GOLM2: variants seen among roughly 807,000 people sequenced by gnomAD.
The protein encoded by GOLM2 is golgi membrane protein 2.
A neutral mutation model predicts 55.9 loss-of-function variants in GOLM2; 26 were observed. That is an observed-to-expected ratio of 0.47 (90% CI 0.34 to 0.65). The LOEUF (loss-of-function observed/expected upper bound fraction) is 0.65, where lower values mean the gene tolerates loss of function less well. Ranked by LOEUF, GOLM2 falls within the 30% of genes least tolerant of loss-of-function variation. The pLI is 0.01. For missense variants in GOLM2, 486 were observed against 531.8 expected, an observed-to-expected ratio of 0.91 and a Z score of 0.85; for synonymous variants, 165 against 194.6, an observed-to-expected ratio of 0.85 and a Z score of 1.27.
At chr15:44,336,002 A>G (rs1347086455) in intron 4 of GOLM2, among the ~76,000 whole-genome samples, 1 of 151,464 alleles carries the variant, frequency 6.6e-6, no homozygotes, top group Non-Finnish European at 1.5e-5. Context: ...TTTAGTAGAG[A>G]CGGGGTTTCG....
Position 44,289,243 on chromosome 15 carries a change from C to G in GOLM2, c.214C>G (p.Leu72Val). ...RLEKRNSDLL[L>V]LVDTHKKQID... is the part of the protein sequence containing the mutation. ...GGAAAAGCGCAATTCGGACCTCTTGCTGTTGGTGGACACGCACAAGAAACA... is the reference window on the plus strand; with the variant it reads ...GGAAAAGCGCAATTCGGACCTCTTGGTGTTGGTGGACACGCACAAGAAACA... The change falls in exon 1 of 10, where the codon CTG becomes GTG. Residue 72 changes from leucine (L) to valine (V), a missense_variant. Leu to Val is a conservative substitution (Grantham distance 32). Coordinates refer to ENST00000299957, the MANE Select transcript of GOLM2 (RefSeq NM_138423.4). The surrounding 1 kb of genome is among the most constrained non-coding windows in gnomAD (Gnocchi z 4.8). 6.2e-7 allele frequency: 1 copy of G among 1,614,168 alleles called. No individual in the cohort carries two copies. The highest frequency in any genetic ancestry group is 8.5e-7 in the Non-Finnish European group (1 of 1,180,028).
chr15:44,389,493 A>C (rs1445712026), intron 8 of GOLM2, among the ~76,000 whole-genome samples: 1 of 152,168 alleles, frequency 6.6e-6, no homozygotes, highest in Non-Finnish European at 1.5e-5. Flanking sequence ...ACGCCACTGC[A>C]CTCCAGCTTA....
chr15:44,327,805 G>A (rs1285881764), intron 2 of GOLM2, among the ~76,000 whole-genome samples: 2 of 152,170 alleles, frequency 1.3e-5, no homozygotes, highest in Non-Finnish European at 2.9e-5. Flanking sequence ...GTTTGGCCAG[G>A]TTATAATTTA....
intron 1 of GOLM2, among the ~76,000 whole-genome samples, chr15:44,300,817 G>T (rs753169502): frequency 7.9e-5 from 12 of 152,204 alleles, no homozygotes; most frequent in Non-Finnish European, 1.6e-4. Context: ...TGGGCATGCA[G>T]TAATTTCAGT....
chr15:44,298,498 A>T (rs1333942419), intron 1 of GOLM2, among the ~76,000 whole-genome samples: 2 of 146,566 alleles, frequency 1.4e-5, no homozygotes, highest in Non-Finnish European at 3.0e-5. Flanking sequence ...CTGGTCTCGA[A>T]CTCCTAACCT....
At chr15:44,371,995 A>G (rs1449883776) in intron 6 of GOLM2, among the ~76,000 whole-genome samples, 2 of 152,162 alleles carry the variant, frequency 1.3e-5, no homozygotes, top group Non-Finnish European at 2.9e-5. Context: ...TTGATCATGC[A>G]GGGTAAATGG....
intron 1 of GOLM2, among the ~76,000 whole-genome samples, chr15:44,292,765 G>C (rs2078730054): frequency 6.6e-6 from 1 of 151,944 alleles, no homozygotes; most frequent in South Asian, 2.1e-4. Flanking sequence ...GGGTAGTCTT[G>C]GTCTCTGTAT....
At chr15:44,317,843 C>G (rs2078921656) in intron 1 of GOLM2, among the ~76,000 whole-genome samples, 1 of 152,296 alleles carries the variant, frequency 6.6e-6, no homozygotes, top group East Asian at 1.9e-4. Flanking sequence ...AAATTATATT[C>G]TTACTCATCT....
At chr15:44,327,747 T>C (rs769941698) in intron 2 of GOLM2, among the ~76,000 whole-genome samples, 3 of 152,210 alleles carry the variant, frequency 2.0e-5, no homozygotes, top group African/African-American at 4.8e-5. Flanking sequence ...GAATGAAATC[T>C]AGAACATGTG....
Position 44,413,540 on chromosome 15 carries a change from T to G in GOLM2, c.*134T>G, listed in dbSNP as rs2079652663. 1.6e-6 allele frequency: 1 copy of G among 641,614 alleles called. No homozygotes were observed. Among genetic ancestry groups the G allele is most frequent in the Non-Finnish European group, 2.7e-6 (1 of 368,352 alleles). The allele number at this position is 641,614 out of a possible 1,614,324, so 39.7% of individuals were successfully genotyped here. On this transcript the variant is annotated 3_prime_UTR_variant, in exon 10 of 10. Coordinates refer to ENST00000299957, the MANE Select transcript of GOLM2 (RefSeq NM_138423.4). ...CATTGAGATAGAATTAAGGAAAAAC[T>G]TTAATGAAGGAATGTACCCATGTAC... is the stretch of plus-strand genomic sequence containing the variant.
At chr15:44,355,330 G>C (rs1044491498) in intron 6 of GOLM2, 2 of 161,258 alleles carry the variant, frequency 1.2e-5, no homozygotes, top group Admixed American at 1.3e-4. Context: ...GAACTTCCAT[G>C]GCTGTGGGCA....
intron 6 of GOLM2, among the ~76,000 whole-genome samples, chr15:44,342,535 G>C (rs2141150740): frequency 6.6e-6 from 1 of 152,284 alleles, no homozygotes; most frequent in Non-Finnish European, 1.5e-5. Flanking sequence ...CCAAAGCACT[G>C]CAACTACAGG....
At chr15:44,333,233 A>G (rs1476428437) in intron 4 of GOLM2, among the ~76,000 whole-genome samples, 1 of 152,178 alleles carries the variant, frequency 6.6e-6, no homozygotes, top group Non-Finnish European at 1.5e-5. Flanking sequence ...CGCACAGCCA[A>G]TTCATTTTTT....
At chr15:44,341,759 C>T (rs935705761) in intron 6 of GOLM2, among the ~76,000 whole-genome samples, 6 of 141,264 alleles carry the variant, frequency 4.2e-5, no homozygotes, top group African/African-American at 1.3e-4. Flanking sequence ...TGCAGTCGTG[C>T]GATCTTGGCT....
intron 6 of GOLM2, among the ~76,000 whole-genome samples, chr15:44,372,932 T>G (rs978157326): frequency 3.9e-5 from 6 of 152,200 alleles, no homozygotes; most frequent in African/African-American, 7.2e-5. Flanking sequence ...TTCATACCTC[T>G]GCTCAAATGA....
intron 6 of GOLM2, among the ~76,000 whole-genome samples, chr15:44,359,536 T>A (rs944029850): frequency 6.6e-6 from 1 of 152,044 alleles, no homozygotes; most frequent in African/African-American, 2.4e-5. Flanking sequence ...TGCAGTGAGC[T>A]GAGATTGCAC....
rs555462699 is a variant in GOLM2, at chr15:44,294,670, C to T, written c.327+5314C>T. Among the ~76,000 whole-genome samples, 106 of 148,154 alleles carry T rather than the reference C, an allele frequency of 7.2e-4. No individual in the cohort carries two copies. The South Asian group carries it at 0.021, about 29-fold the overall frequency. ...CAGAGGTTGCAGTGAGCTGAGATCA[C>T]GCCATTGCACTCCAGCCTGGAGGAC... On this transcript the variant is annotated intron_variant, in intron 1 of 9. Coordinates refer to ENST00000299957, the MANE Select transcript of GOLM2 (RefSeq NM_138423.4).
chr15:44,413,473 T>C lies in GOLM2; in HGVS notation c.*67T>C. On this transcript the variant is annotated 3_prime_UTR_variant, in exon 10 of 10. Transcript: ENST00000299957. The stretch of plus-strand genomic sequence containing the variant: ...TGAAATCATTCTACTTTGTCCTTTC[T>C]GACTTTTGTTGTAAAGACGAATTGT... 4 of 1,180,680 alleles carry C rather than the reference T, an allele frequency of 3.4e-6. No homozygotes were observed. Among genetic ancestry groups the C allele is most frequent in the Non-Finnish European group, 5.0e-6 (4 of 806,276 alleles). The allele number at this position is 1,180,680 out of a possible 1,614,324, so 73.1% of individuals were successfully genotyped here.
intron 1 of GOLM2, among the ~76,000 whole-genome samples, chr15:44,314,865 A>G (rs953790196): frequency 6.6e-6 from 1 of 152,234 alleles, no homozygotes; most frequent in African/African-American, 2.4e-5. Flanking sequence ...AAAAATAACT[A>G]TGCCCACTTT....
Sources: gnomAD v4.1 joint callset for allele counts (sites outside exome capture counted in the v4.1 genomes callset) on GRCh38, gnomAD v4.1.1 for gene constraint, Gnocchi (gnomAD v3.1) non-coding constraint, MANE v1.5 for transcripts, NCBI Gene and HGNC (gene_info 2026-07-23, HGNC 2026-07-21) for gene names.